C12orf42: variants seen among roughly 807,000 people sequenced by gnomAD.
The protein encoded by C12orf42 is uncharacterized protein C12orf42.
Under a neutral mutation model 21.6 loss-of-function variants are expected in C12orf42, and 25 were observed. The ratio of observed to expected loss-of-function variants is 1.16; its 90% CI spans 0.84 to 1.62. The LOEUF (loss-of-function observed/expected upper bound fraction) is 1.62. Among genes scored for constraint, C12orf42 ranks in the 40% most tolerant of loss-of-function variants. The pLI is 0.00. For missense variants in C12orf42, 483 were observed against 459.3 expected (o/e 1.05, Z -0.47); for synonymous variants, 174 against 175.0 (o/e 0.99, Z 0.05).
At chr12:103,478,669 C>T (rs1238456738) in intron 1 of C12orf42, among the ~76,000 whole-genome samples, 1 of 148,862 alleles carries the variant, frequency 6.7e-6, no homozygotes, top group Non-Finnish European at 1.5e-5. Flanking sequence ...TCAAGCAATA[C>T]TCGCACCTTG....
chr12:103,492,034 G>T (rs1565907848), intron 1 of C12orf42, among the ~76,000 whole-genome samples: 2 of 152,046 alleles, frequency 1.3e-5, no homozygotes, highest in Non-Finnish European at 2.9e-5. Context: ...TCAGCTCACT[G>T]CAACCTCTGC....
chr12:103,516,533 A>G, the C12orf42 span, among the ~76,000 whole-genome samples: 1 of 152,232 alleles, frequency 6.6e-6, no homozygotes, highest in Non-Finnish European at 1.5e-5. Flanking sequence ...ACTTACAATC[A>G]TGGTTGAAGG....
At chr12:103,333,441 C>T (rs781417341) in intron 4 of C12orf42, among the ~76,000 whole-genome samples, 1 of 152,156 alleles carries the variant, frequency 6.6e-6, no homozygotes, top group Non-Finnish European at 1.5e-5. Flanking sequence ...ATTCACATAA[C>T]AAGGAACTAC....
the C12orf42 span, among the ~76,000 whole-genome samples, chr12:103,130,562 G>T: frequency 6.6e-6 from 1 of 152,122 alleles, no homozygotes; most frequent in African/African-American, 2.4e-5. Context: ...CTAAGGGAAA[G>T]GTTAGTGTGC....
the C12orf42 span, among the ~76,000 whole-genome samples, chr12:103,193,570 T>C: frequency 6.6e-6 from 1 of 151,998 alleles, no homozygotes; most frequent in Non-Finnish European, 1.5e-5. Flanking sequence ...TGAACAATTA[T>C]ACACCAACAA....
the C12orf42 span, among the ~76,000 whole-genome samples, chr12:103,223,456 C>A: frequency 6.6e-6 from 1 of 152,086 alleles, no homozygotes; most frequent in African/African-American, 2.4e-5. Context: ...AGAATTGGGA[C>A]GACTCAGGAT....
At chr12:103,497,950 G>T (rs146945792), upstream of C12orf42, among the ~76,000 whole-genome samples, 4 of 152,082 alleles carry the variant, frequency 2.6e-5, no homozygotes, top group Admixed American at 2.6e-4. Flanking sequence ...CAGGAGAATC[G>T]CTTGAACCTG....
At chr12:103,221,004 C>G in the C12orf42 span, among the ~76,000 whole-genome samples, 194 of 152,322 alleles carry the variant, frequency 1.3e-3, 9 homozygotes, top group South Asian at 0.04. Context: ...CGCCAGTCAG[C>G]CAGGATTAAC....
chr12:103,544,136 G>C, the C12orf42 span, among the ~76,000 whole-genome samples: 1 of 152,014 alleles, frequency 6.6e-6, no homozygotes, highest in African/African-American at 2.4e-5. Flanking sequence ...ACCCACCTCG[G>C]CCTCCCAAAG....
At chr12:103,381,505 A>G (rs2046167854) in intron 3 of C12orf42, among the ~76,000 whole-genome samples, 1 of 152,186 alleles carries the variant, frequency 6.6e-6, no homozygotes, top group Admixed American at 6.5e-5. Context: ...GACAACAACA[A>G]CAGCAATAAT....
At chr12:103,426,100 G>A (rs537719531) in intron 2 of C12orf42, among the ~76,000 whole-genome samples, 7 of 152,280 alleles carry the variant, frequency 4.6e-5, no homozygotes, top group East Asian at 1.9e-4. Context: ...AAAACTGGAC[G>A]GAGAATGAGC....
At position 103,349,798 on chromosome 12, in the gene C12orf42, C is replaced by T. The variant is rs143612671; in HGVS notation, c.259+19089G>A. Among the ~76,000 whole-genome samples, 196 of 151,982 alleles carry T rather than the reference C, an allele frequency of 1.3e-3. 1 individual carries two copies. Among genetic ancestry groups the T allele is most frequent in the African/African-American group, 4.2e-3 (176 of 41,460 alleles). ...CAATGGTAAAATGTTTTTTAAGATACGCAAAGGATCAGGAAACATATCAAG... is the reference window on the plus strand; with the variant it reads ...CAATGGTAAAATGTTTTTTAAGATATGCAAAGGATCAGGAAACATATCAAG... On this transcript the variant is annotated intron_variant, in intron 4 of 5. Transcript: ENST00000548883.
At chr12:103,109,530 G>T in the C12orf42 span, among the ~76,000 whole-genome samples, 4 of 151,524 alleles carry the variant, frequency 2.6e-5, no homozygotes, top group African/African-American at 9.7e-5. Context: ...TGTGAAATGC[G>T]AAACTTTAAT....
intron 6 of C12orf42, among the ~76,000 whole-genome samples, chr12:103,269,377 G>A (rs1007473778): frequency 6.6e-6 from 1 of 152,090 alleles, no homozygotes; most frequent in Non-Finnish European, 1.5e-5. Context: ...CTCTGCCCCA[G>A]ATCAATCGCA....
intron 10 of C12orf42, among the ~76,000 whole-genome samples, chr12:103,256,107 T>TAC (rs2034582363): frequency 2.6e-4 from 10 of 39,056 alleles, no homozygotes; most frequent in African/African-American, 7.8e-4. Flanking sequence ...TATATATATA[T>TAC]ATATACACAC....
At chr12:103,275,445 T>C (rs2035708658) in intron 5 of C12orf42, among the ~76,000 whole-genome samples, 1 of 152,042 alleles carries the variant, frequency 6.6e-6, no homozygotes, top group South Asian at 2.1e-4. Flanking sequence ...TGAAATTAAA[T>C]ATATAACATC....
intron 1 of C12orf42, among the ~76,000 whole-genome samples, chr12:103,484,863 G>GTTTTTTTTTTTT (rs56025837): frequency 4.2e-5 from 3 of 71,680 alleles, no homozygotes; most frequent in Non-Finnish European, 5.3e-5. Context: ...TCTGGTTTCA[G>GTTTTTTTTTTTT]TTTTTTTTTT....
At chr12:103,410,799 A>G (rs2048782859) in intron 2 of C12orf42, among the ~76,000 whole-genome samples, 1 of 152,174 alleles carries the variant, frequency 6.6e-6, no homozygotes, top group African/African-American at 2.4e-5. Flanking sequence ...TTAAAAGTAG[A>G]AGACTCTGTA....
chr12:103,276,519 A>G lies in C12orf42; in HGVS notation n.398+631T>C, dbSNP rs545745696. Among the ~76,000 whole-genome samples, 6 of 152,286 alleles carry G rather than the reference A, an allele frequency of 3.9e-5. No homozygotes were observed. The South Asian group carries it at 1.2e-3, about 32-fold the overall frequency. On this transcript the variant is annotated intron_variant and non_coding_transcript_variant, in intron 5 of 6. Coordinates refer to the C12orf42 transcript ENST00000546526. The stretch of plus-strand genomic sequence containing the variant: ...CCATGTCCAAGGAGGAGCATTAACA[A>G]TTACCCTGTGGTTCTGCCATTGTGC...
Sources: gnomAD v4.1 joint callset for allele counts (sites outside exome capture counted in the v4.1 genomes callset) on GRCh38, gnomAD v4.1.1 for gene constraint, MANE v1.5 for transcripts, NCBI Gene and HGNC (gene_info 2026-07-23, HGNC 2026-07-21) for gene names.